Variants in CCDC3 observed in about 807,000 individuals in gnomAD.
CCDC3 encodes the protein coiled-coil domain containing 3, also known as coiled-coil domain-containing protein 3.
A neutral mutation model predicts 21.4 loss-of-function variants in CCDC3; 24 were observed. That is an observed-to-expected ratio of 1.12 (90% CI 0.81 to 1.58). The LOEUF is 1.58. Among genes scored for constraint, CCDC3 ranks in the 40% most tolerant of loss-of-function variants. The probability of loss-of-function intolerance (pLI) is 0.00; values close to 1 mark genes in which losing one functional copy is unlikely to be tolerated. For synonymous variants in CCDC3, 186 were observed against 166.0 expected (o/e 1.12, Z -0.93); for missense variants, 425 against 360.9 (o/e 1.18, Z -1.44).
chr10:12,911,579 A>G (rs1834271395), intron 2 of CCDC3, among the ~76,000 whole-genome samples: 1 of 152,256 alleles, frequency 6.6e-6, no homozygotes, highest in Admixed American at 6.5e-5. Flanking sequence ...GACAAAATTT[A>G]TATTGAACAT....
At chr10:13,078,886 A>G (rs1429837639) in intron 3 of CCDC3, among the ~76,000 whole-genome samples, 2 of 152,146 alleles carry the variant, frequency 1.3e-5, no homozygotes, top group Non-Finnish European at 2.9e-5. Flanking sequence ...GGGGAGGGAT[A>G]GCATTAGGAG....
chr10:13,028,874 A>C (rs972358942), intron 5 of CCDC3, among the ~76,000 whole-genome samples: 1 of 152,302 alleles, frequency 6.6e-6, no homozygotes, highest in Admixed American at 6.5e-5. Context: ...ACATTGCTAG[A>C]CTGGAACTGA....
chr10:12,974,303 AGTC>A (rs1240219455), intron 2 of CCDC3, among the ~76,000 whole-genome samples: 3 of 152,188 alleles, frequency 2.0e-5, no homozygotes, highest in Non-Finnish European at 2.9e-5. Context: ...AACCTGGCCA[AGTC>A]GTCATCAACA....
chr10:13,034,093 A>T (rs566536122), intron 5 of CCDC3, among the ~76,000 whole-genome samples: 1 of 152,336 alleles, frequency 6.6e-6, no homozygotes, highest in East Asian at 1.9e-4. Context: ...GAACCAACCC[A>T]GATGTCCATC....
chr10:13,079,808 C>T (rs533698131), intron 3 of CCDC3, among the ~76,000 whole-genome samples: 5 of 152,172 alleles, frequency 3.3e-5, no homozygotes, highest in African/African-American at 1.2e-4. Flanking sequence ...GAAGAGAGAG[C>T]AGCAGCGTGG....
chr10:12,996,580 C>T (rs1835764857), intron 2 of CCDC3, among the ~76,000 whole-genome samples: 1 of 152,168 alleles, frequency 6.6e-6, no homozygotes, highest in South Asian at 2.1e-4. Flanking sequence ...AGGTGATCCC[C>T]CCACCTCGGC....
chr10:13,048,291 A>C (rs1245112621), intron 5 of CCDC3, among the ~76,000 whole-genome samples: 3 of 152,074 alleles, frequency 2.0e-5, no homozygotes, highest in Non-Finnish European at 4.4e-5. Flanking sequence ...TCCCAGGTTC[A>C]AGCAATTCTC....
intron 2 of CCDC3, among the ~76,000 whole-genome samples, chr10:12,951,692 T>C (rs531943610): frequency 1.4e-5 from 2 of 147,636 alleles, no homozygotes; most frequent in East Asian, 2.0e-4. Context: ...GTAGTCCCAG[T>C]TACTCAGGAG....
chr10:12,953,629 T>C (rs1349292953), intron 2 of CCDC3, among the ~76,000 whole-genome samples: 2 of 152,216 alleles, frequency 1.3e-5, no homozygotes, highest in Non-Finnish European at 2.9e-5. Flanking sequence ...GTCTTACTGC[T>C]GCCTTGCTGG....
intron 4 of CCDC3, among the ~76,000 whole-genome samples, chr10:13,059,833 T>G (rs1048368453): frequency 2.6e-5 from 4 of 152,156 alleles, no homozygotes; most frequent in African/African-American, 9.7e-5. Flanking sequence ...CTCACGCTTG[T>G]AATCCCAGCA....
intron 3 of CCDC3, among the ~76,000 whole-genome samples, chr10:13,085,407 G>A (rs1460729510): frequency 1.3e-5 from 2 of 152,178 alleles, no homozygotes; most frequent in Non-Finnish European, 2.9e-5. Flanking sequence ...TCCACACCCT[G>A]TTACATGCCC....
Position 12,940,551 on chromosome 10 carries a change from T to C in CCDC3, c.550-41872A>G, listed in dbSNP as rs181185054. On this transcript the variant is annotated intron_variant, in intron 2 of 2. Transcript: ENST00000378825. ...TAGGATCCGGGGTCAGATACCCAAGTTTGAATCTTAACCACTAATTAGTTC... is the reference window on the plus strand; with the variant it reads ...TAGGATCCGGGGTCAGATACCCAAGCTTGAATCTTAACCACTAATTAGTTC... Among the ~76,000 whole-genome samples the C allele has an allele frequency of 1.1e-4, 16 of 152,280 alleles. No individual in the cohort carries two copies. In the East Asian group the frequency reaches 3.1e-3, roughly 29 times the overall value.
At chr10:12,989,461 G>A (rs1008877329) in intron 2 of CCDC3, among the ~76,000 whole-genome samples, 8 of 152,160 alleles carry the variant, frequency 5.3e-5, no homozygotes, top group South Asian at 2.1e-4. Flanking sequence ...TCTCTCTGTC[G>A]CCCAAGCTGG....
intron 2 of CCDC3, among the ~76,000 whole-genome samples, chr10:12,985,291 G>A (rs921432544): frequency 1.3e-5 from 2 of 152,216 alleles, no homozygotes; most frequent in African/African-American, 2.4e-5. Flanking sequence ...TGCTGGCAAC[G>A]AGGCAGGGAA....
At chr10:12,932,803 G>A (rs529078480) in intron 2 of CCDC3, among the ~76,000 whole-genome samples, 1 of 152,234 alleles carries the variant, frequency 6.6e-6, no homozygotes, top group African/African-American at 2.4e-5. Flanking sequence ...TAGTTTTTTT[G>A]TAGATGTTCT....
intron 2 of CCDC3, among the ~76,000 whole-genome samples, chr10:12,913,233 C>T (rs142156257): frequency 0.018 from 2,776 of 152,258 alleles, 54 homozygotes; most frequent in East Asian, 0.094. Context: ...GATATCTTCC[C>T]ATTTATTTGT....
chr10:13,001,136 C>A (rs1353971316), intron 1 of CCDC3, 61 bp downstream of exon 1: 1 of 1,511,184 alleles, frequency 6.6e-7, no homozygotes, highest in Non-Finnish European at 8.9e-7. Flanking sequence ...CTCTAGGTAA[C>A]GGCGACCTCG....
Position 12,900,255 on chromosome 10 carries a change from ATGTG to A in CCDC3, c.550-1580_550-1577del, listed in dbSNP as rs542587527. On this transcript the variant is annotated intron_variant, in intron 2 of 2. Transcript: ENST00000378825. Reference sequence around the variant, plus strand: ...GTAATAAGGCTGGCATTTCCTTTATATGTGTGTGTGAGCATATATATAAAAAGAG... The same window carrying A: ...GTAATAAGGCTGGCATTTCCTTTATATGTGTGAGCATATATATAAAAAGAG... 2.0e-5 allele frequency among the ~76,000 whole-genome samples: 3 copies of A among 152,154 alleles called. No individual in the cohort carries two copies. In the East Asian group the frequency reaches 5.8e-4, roughly 29 times the overall value.
intron 2 of CCDC3, among the ~76,000 whole-genome samples, chr10:12,980,300 A>C (rs1835476751): frequency 6.6e-6 from 1 of 152,234 alleles, no homozygotes; most frequent in Non-Finnish European, 1.5e-5. Context: ...AGGGGAACTG[A>C]AGCTTGACAG....
Sources: allele counts gnomAD v4.1 joint callset (sites outside exome capture counted in the v4.1 genomes callset), GRCh38; gene constraint gnomAD v4.1.1; transcripts MANE v1.5; gene names NCBI Gene and HGNC (gene_info 2026-07-23, HGNC 2026-07-21).